Variants in PRKAG2 observed in about 807,000 individuals in gnomAD.
PRKAG2 encodes the protein protein kinase AMP-activated non-catalytic subunit gamma 2.
In PRKAG2, 26 loss-of-function variants were observed where a neutral mutation model predicts 69.6. The observed-to-expected ratio is 0.37, with a 90% CI of 0.27 to 0.52. The LOEUF (loss-of-function observed/expected upper bound fraction) is 0.52, where lower values mean the gene tolerates loss of function less well. PRKAG2 is among the 20% of genes least tolerant of loss of function. The probability of loss-of-function intolerance (pLI) is 0.90; values close to 1 mark genes in which losing one functional copy is unlikely to be tolerated. For synonymous variants in PRKAG2, 293 were observed against 285.0 expected, an observed-to-expected ratio of 1.03 and a Z score of -0.28; for missense variants, 557 against 740.0, an observed-to-expected ratio of 0.75 and a Z score of 2.87.
intron 4 of PRKAG2, among the ~76,000 whole-genome samples, chr7:151,646,800 T>C (rs1185639717): frequency 2.0e-5 from 3 of 152,220 alleles, no homozygotes; most frequent in Non-Finnish European, 4.4e-5. Flanking sequence ...CTATGTCATA[T>C]TACACATGGA....
At chr7:151,691,470 CA>C in intron 3 of PRKAG2, among the ~76,000 whole-genome samples, 1 of 107,004 alleles carries the variant, frequency 9.3e-6, no homozygotes, top group South Asian at 2.9e-4. Context: ...ACAACAACAA[CA>C]AAAAAAACTC....
chr7:151,736,932 A>G (rs1171590525), intron 3 of PRKAG2, among the ~76,000 whole-genome samples: 3 of 152,218 alleles, frequency 2.0e-5, no homozygotes, highest in African/African-American at 7.2e-5. Context: ...CCTGTCGCCA[A>G]TGGTAGAACC....
At chr7:151,574,243 C>A (rs766160132) in intron 8 of PRKAG2, among the ~76,000 whole-genome samples, 1 of 152,128 alleles carries the variant, frequency 6.6e-6, no homozygotes. Context: ...CTTCCCCCCA[C>A]CCTCATGAAC....
intron 3 of PRKAG2, among the ~76,000 whole-genome samples, chr7:151,767,164 T>C (rs1207699644): frequency 2.6e-5 from 4 of 152,172 alleles, no homozygotes. Context: ...GGAATGGCAG[T>C]GATGACCAGC....
chr7:151,785,797 G>T (rs2076975226), intron 2 of PRKAG2, among the ~76,000 whole-genome samples: 1 of 151,982 alleles, frequency 6.6e-6, no homozygotes, highest in Non-Finnish European at 1.5e-5. Context: ...CTGGACCTCT[G>T]CGCCCTGCCA....
At chr7:151,852,085 G>A (rs2079582557) in intron 1 of PRKAG2, among the ~76,000 whole-genome samples, 1 of 152,216 alleles carries the variant, frequency 6.6e-6, no homozygotes, top group African/African-American at 2.4e-5. Context: ...TGCTTACTGA[G>A]TGACAGGACG....
At chr7:151,558,113 C>CCA in intron 15 of PRKAG2, 2 of 985,324 alleles carry the variant, frequency 2.0e-6, no homozygotes, top group Non-Finnish European at 2.4e-6. Context: ...ATCAGACTGC[C>CCA]CACACACTGG....
At chr7:151,728,653 A>G (rs553051096) in intron 3 of PRKAG2, among the ~76,000 whole-genome samples, 93 of 152,242 alleles carry the variant, frequency 6.1e-4, no homozygotes, top group Non-Finnish European at 1.2e-3. Context: ...ACACTTTCAG[A>G]CGCTGCAGTC....
At position 151,557,224 on chromosome 7, in the gene PRKAG2, G is replaced by A. The variant is rs397517267; in HGVS notation, c.1687C>T (p.Gln563Ter). ...ALILTPAGAK[Q>*]KETETE ...GGTCACTCCGTTTCTGTCTCCTTTT[G>A]TTTGGCACCTGTCAGTGGATGGAAG... is the stretch of plus-strand genomic sequence containing the variant. Residue 563 changes from glutamine to a stop codon, truncating the protein, a stop_gained, in exon 16 of 16, where the codon CAA becomes TAA. Transcript: ENST00000287878. LOFTEE classifies it high-confidence loss of function. 32 of 1,614,106 alleles carry A rather than the reference G, an allele frequency of 2.0e-5. No individual in the cohort carries two copies. The highest frequency in any genetic ancestry group is 2.5e-5 in the Non-Finnish European group (30 of 1,180,002).
At chr7:151,644,963 G>T (rs1305114619) in intron 4 of PRKAG2, among the ~76,000 whole-genome samples, 1 of 152,144 alleles carries the variant, frequency 6.6e-6, no homozygotes, top group Non-Finnish European at 1.5e-5. Flanking sequence ...GGTAATTAAT[G>T]TGTTTTCTTT....
intron 8 of PRKAG2, among the ~76,000 whole-genome samples, chr7:151,574,535 A>G (rs965361883): frequency 2.6e-5 from 4 of 152,240 alleles, no homozygotes; most frequent in African/African-American, 9.6e-5. Context: ...TAACTGAATT[A>G]AGCTCTACCA....
At chr7:151,670,308 C>CAATT (rs1481157881) in intron 4 of PRKAG2, among the ~76,000 whole-genome samples, 1 of 152,198 alleles carries the variant, frequency 6.6e-6, no homozygotes, top group Non-Finnish European at 1.5e-5. Flanking sequence ...CCTTCCCCTT[C>CAATT]AATTAATCAA....
intron 3 of PRKAG2, among the ~76,000 whole-genome samples, chr7:151,683,595 C>T (rs1019270938): frequency 5.9e-5 from 9 of 152,202 alleles, no homozygotes; most frequent in Admixed American, 6.5e-5. Flanking sequence ...TCCATTGACA[C>T]TGGAGGGAGG....
At chr7:151,799,538 G>T (rs992217900) in intron 1 of PRKAG2, among the ~76,000 whole-genome samples, 1 of 152,140 alleles carries the variant, frequency 6.6e-6, no homozygotes, top group Non-Finnish European at 1.5e-5. Flanking sequence ...TCCCTTTCTG[G>T]TGTCATTTAT....
chr7:151,624,137 C>CGTGTGTGT (rs58644630), intron 5 of PRKAG2, among the ~76,000 whole-genome samples: 1,525 of 145,158 alleles, frequency 0.011, 21 homozygotes, highest in African/African-American at 0.037. Context: ...CAGAAGGCAG[C>CGTGTGTGT]GTGTGTGTGT....
intron 1 of PRKAG2, among the ~76,000 whole-genome samples, chr7:151,847,351 G>C (rs1006376014): frequency 6.7e-6 from 1 of 148,770 alleles, no homozygotes. Flanking sequence ...TGGGGCGACA[G>C]GAGCCTACTG....
chr7:151,559,428 C>A (rs1804437071), intron 15 of PRKAG2: 14 of 985,254 alleles, frequency 1.4e-5, no homozygotes, highest in Non-Finnish European at 1.7e-5. Context: ...GCACCAGGCC[C>A]CATTTCTAGA....
chr7:151,675,530 A>C lies in PRKAG2; in HGVS notation c.574T>G (p.Tyr192Asp). The change falls in exon 4 of 16, where the codon TAT becomes GAT. Residue 192 changes from tyrosine to aspartate, a missense_variant. Physicochemically the swap from Tyr to Asp is radical, Grantham distance 160. This residue lies in a region of PRKAG2 where 352 missense variants were observed against 356.7 expected (regional missense o/e 0.99). Coordinates refer to ENST00000287878, the MANE Select transcript of PRKAG2 (RefSeq NM_016203.4). Reference protein sequence around the residue: ...HEPERLENRIYASSSPPDTGQ... With the variant: ...HEPERLENRIDASSSPPDTGQ... ...GTGTCCGGGGGGGAAGACGAGGCAT[A>C]GATGCGATTCTCTAACCGTTCAGGC... 1 of 1,614,180 alleles carries C rather than the reference A, an allele frequency of 6.2e-7. No homozygotes were observed.
intron 4 of PRKAG2, among the ~76,000 whole-genome samples, chr7:151,653,228 T>C (rs542866743): frequency 1.3e-5 from 2 of 152,156 alleles, no homozygotes; most frequent in Non-Finnish European, 2.9e-5. Context: ...GTTTTCAGTG[T>C]GAAAAAATTA....
Sources: gnomAD v4.1 joint callset for allele counts (sites outside exome capture counted in the v4.1 genomes callset) on GRCh38, gnomAD v4.1.1 for gene constraint, gnomAD v4.1.1 regional missense constraint, MANE v1.5 for transcripts, NCBI Gene and HGNC (gene_info 2026-07-23, HGNC 2026-07-21) for gene names.